The following COPG2 variants were observed in gnomAD, a reference collection of about 807,000 sequenced individuals.
The protein encoded by COPG2 is coatomer subunit gamma-2.
Under a neutral mutation model 46.3 loss-of-function variants are expected in COPG2, and 37 were observed. The ratio of observed to expected loss-of-function variants is 0.80; its 90% CI spans 0.61 to 1.05. COPG2 has a LOEUF of 1.05. Among genes scored for constraint, COPG2 ranks in the 50% least tolerant of loss-of-function variants. The pLI is 0.00. For synonymous variants in COPG2, 159 were observed against 129.7 expected, an observed-to-expected ratio of 1.23 and a Z score of -1.53; for missense variants, 427 against 387.8, an observed-to-expected ratio of 1.10 and a Z score of -0.85.
intron 6 of COPG2, among the ~76,000 whole-genome samples, chr7:130,615,359 C>G (rs1554452713): frequency 6.6e-6 from 1 of 151,266 alleles, no homozygotes; most frequent in African/African-American, 2.4e-5. Flanking sequence ...TGGCTATTGT[C>G]AATGAGCTGA....
At chr7:130,644,173 G>C (rs1269194780) in intron 5 of COPG2, among the ~76,000 whole-genome samples, 2 of 152,116 alleles carry the variant, frequency 1.3e-5, no homozygotes, top group Admixed American at 1.3e-4. Context: ...CACAATCTTG[G>C]ACTCACGTCA....
chr7:130,542,434 C>T (rs938490568), intron 20 of COPG2, among the ~76,000 whole-genome samples: 6 of 151,816 alleles, frequency 4.0e-5, no homozygotes, highest in South Asian at 4.2e-4. Context: ...GAATACAGGA[C>T]GGTTAGGGGT....
chr7:130,607,170 G>C (rs1401433104), intron 9 of COPG2, among the ~76,000 whole-genome samples: 1 of 152,026 alleles, frequency 6.6e-6, no homozygotes, highest in Admixed American at 6.6e-5. Context: ...GAACGTGGAA[G>C]GCAGAGGTTG....
chr7:130,506,633 TGACCATGTA>T lies in COPG2; in HGVS notation c.*34_*42del. The T allele has an allele frequency of 1.4e-6, 1 of 722,056 alleles. No homozygotes were observed. Among genetic ancestry groups the T allele is most frequent in the Non-Finnish European group, 2.6e-6 (1 of 388,786 alleles). The allele number at this position is 722,056 out of a possible 1,614,324, so 44.7% of individuals were successfully genotyped here. A position where few individuals can be genotyped will look rare whatever the true frequency, so the allele number is the denominator to read the frequency against. ...TGATGCCACTAGCCTAAAAGCCCAC[TGACCATGTA>T]GTGTGCATCAGTTTCCTCTTGTCCA... On this transcript the variant is annotated 3_prime_UTR_variant, in exon 24 of 24. Transcript: ENST00000425248.
In COPG2 at chr7:130,643,286, CTG is replaced by C. The variant is rs558757558; in HGVS notation, c.323+9581_323+9582del. On this transcript the variant is annotated intron_variant, in intron 5 of 23. Transcript: ENST00000425248. ...CTCCAGCCTGGGCGACAGAGCGAGA[CTG>C]TGTCTCAAAAAAAAAAAAACCCACA... Among the ~76,000 whole-genome samples, 531 of 150,084 alleles carry C rather than the reference CTG, an allele frequency of 3.5e-3. 1 individual carries two copies. Among genetic ancestry groups the C allele is most frequent in the African/African-American group, 0.012 (505 of 40,602 alleles).
intron 5 of COPG2, among the ~76,000 whole-genome samples, chr7:130,620,655 T>C (rs1055454183): frequency 5.9e-5 from 9 of 152,154 alleles, no homozygotes; most frequent in Admixed American, 3.9e-4. Flanking sequence ...CACAGGTCCA[T>C]AGATAAAGAG....
intron 20 of COPG2, among the ~76,000 whole-genome samples, chr7:130,540,247 G>A (rs959105635): frequency 3.5e-4 from 54 of 152,120 alleles, no homozygotes; most frequent in Non-Finnish European, 3.1e-4. Flanking sequence ...ATGAATACAG[G>A]CTGGGGTAGC....
At chr7:130,522,838 T>G (rs1400997611) in intron 20 of COPG2, among the ~76,000 whole-genome samples, 11 of 151,772 alleles carry the variant, frequency 7.2e-5, no homozygotes, top group Admixed American at 7.2e-4. Flanking sequence ...AACAATGATC[T>G]TCAACAGTAA....
At chr7:130,513,303 AAAAAAATATAT>A (rs1375336146) in intron 20 of COPG2, among the ~76,000 whole-genome samples, 8 of 46,732 alleles carry the variant, frequency 1.7e-4, no homozygotes, top group African/African-American at 7.0e-4. Context: ...AAAAAAAAAA[AAAAAAATATAT>A]ATATATATAT....
chr7:130,607,944 C>T (rs1794766754), intron 9 of COPG2, among the ~76,000 whole-genome samples: 1 of 152,180 alleles, frequency 6.6e-6, no homozygotes, highest in South Asian at 2.1e-4. Flanking sequence ...TATTTTCATA[C>T]TGTTGTGGGT....
intron 20 of COPG2, among the ~76,000 whole-genome samples, chr7:130,520,630 T>C (rs1799716185): frequency 6.6e-6 from 1 of 152,246 alleles, no homozygotes; most frequent in Non-Finnish European, 1.5e-5. Flanking sequence ...TTGCCGTGGT[T>C]CTTGTGCTGA....
At chr7:130,591,193 C>A (rs1165611599) in intron 9 of COPG2, among the ~76,000 whole-genome samples, 1 of 138,820 alleles carries the variant, frequency 7.2e-6, no homozygotes, top group Admixed American at 7.0e-5. Context: ...AGGTGAGGGG[C>A]GCCTCTGCCC....
chr7:130,645,638 A>C (rs1489608380), intron 5 of COPG2: 2 of 160,204 alleles, frequency 1.2e-5, no homozygotes, highest in African/African-American at 4.8e-5. Context: ...CTCTTTAGAG[A>C]TTTTTTTCAA....
At chr7:130,513,283 TTC>T (rs1219858997) in intron 20 of COPG2, among the ~76,000 whole-genome samples, 2 of 91,316 alleles carry the variant, frequency 2.2e-5, no homozygotes, top group African/African-American at 4.2e-5. Flanking sequence ...AGTGAAATAA[TTC>T]TGTCTAAAAA....
At chr7:130,641,055 C>T (rs183398534) in intron 5 of COPG2, among the ~76,000 whole-genome samples, 10 of 150,736 alleles carry the variant, frequency 6.6e-5, no homozygotes, top group Admixed American at 4.0e-4. Flanking sequence ...TTAGAACAAC[C>T]GAGGCTAGGG....
chr7:130,613,239 C>T (rs1036933814), intron 7 of COPG2, among the ~76,000 whole-genome samples: 4 of 152,112 alleles, frequency 2.6e-5, no homozygotes, highest in African/African-American at 4.8e-5. Context: ...CAATAGGGTT[C>T]GAGCTCCTAT....
chr7:130,536,137 A>G (rs1799877357), intron 20 of COPG2, among the ~76,000 whole-genome samples: 1 of 152,026 alleles, frequency 6.6e-6, no homozygotes, highest in African/African-American at 2.4e-5. Context: ...CAGAAGCGCA[A>G]CTCTCTCATG....
rs1554459314 is a variant in COPG2 at position 130,652,890 on chromosome 7, T to C, written c.302A>G (p.Asp101Gly). Residue 101 changes from aspartate to glycine, a missense_variant, in exon 5 of 24, where the codon GAT (aspartate) becomes GGT (glycine). Asp to Gly is a moderately conservative substitution (Grantham distance 94). Transcript: ENST00000425248. ...TIKEMATISE[D>G]VIIVTSSLTK... is the part of the protein sequence containing the mutation. ...ATACCTGCTTGTGACAATTATCACA[T>C]CCTCAGAGATGGTAGCCATTTCTTT... 1 of 1,605,464 alleles carries C rather than the reference T, an allele frequency of 6.2e-7. No homozygotes were observed. Among genetic ancestry groups the C allele is most frequent in the African/African-American group, 1.3e-5 (1 of 74,934 alleles).
chr7:130,635,083 T>G (rs1274393192), intron 5 of COPG2, among the ~76,000 whole-genome samples: 9 of 150,184 alleles, frequency 6.0e-5, no homozygotes, highest in African/African-American at 2.2e-4. Flanking sequence ...CTAGATAAGC[T>G]TTTTGATGTG....
Sources: allele counts gnomAD v4.1 joint callset (sites outside exome capture counted in the v4.1 genomes callset), GRCh38; gene constraint gnomAD v4.1.1; transcripts MANE v1.5; gene names NCBI Gene and HGNC (gene_info 2026-07-23, HGNC 2026-07-21).